Variants in DLG5 observed in about 807,000 individuals in gnomAD.
DLG5 encodes the protein discs large MAGUK scaffold protein 5.
A neutral mutation model predicts 189.8 loss-of-function variants in DLG5; 48 were observed. The observed-to-expected ratio is 0.25, with a 90% CI of 0.20 to 0.32. DLG5 has a LOEUF of 0.32. Ranked by LOEUF, DLG5 falls within the 10% of genes least tolerant of loss-of-function variation. DLG5 has a pLI of 1.00. For missense variants in DLG5, 2,160 were observed against 2,544.7 expected (o/e 0.85, Z 3.25); for synonymous variants, 1,016 against 1,054.1 (o/e 0.96, Z 0.70).
intron 1 of DLG5, among the ~76,000 whole-genome samples, chr10:77,904,418 G>C (rs1175382944): frequency 6.6e-6 from 1 of 152,170 alleles, no homozygotes; most frequent in African/African-American, 2.4e-5. Flanking sequence ...GGCATGATTG[G>C]TTTTGAAATG....
At chr10:77,908,176 T>A (rs1233574090) in intron 1 of DLG5, among the ~76,000 whole-genome samples, 1 of 152,056 alleles carries the variant, frequency 6.6e-6, no homozygotes, top group East Asian at 1.9e-4. Context: ...CAGGAACATG[T>A]CCCACACTCC....
In DLG5 at chr10:77,836,371, G is replaced by A. The variant is rs183157798; in HGVS notation, c.1438-449C>T. On this transcript the variant is annotated intron_variant, in intron 7 of 31. Coordinates refer to ENST00000372391, the MANE Select transcript of DLG5 (RefSeq NM_004747.4). Reference sequence around the variant, plus strand: ...TCCTTAGACAACACAGGGAAATGACGGATGACAAAGCAAGTGTTTACTGCA... The same window carrying A: ...TCCTTAGACAACACAGGGAAATGACAGATGACAAAGCAAGTGTTTACTGCA... Among the ~76,000 whole-genome samples, 68 of 152,154 alleles carry A rather than the reference G, an allele frequency of 4.5e-4. 1 individual carries two copies. The highest frequency in any genetic ancestry group is 7.5e-4 in the Non-Finnish European group (51 of 68,014).
chr10:77,936,255 T>C, the DLG5 span, among the ~76,000 whole-genome samples: 1 of 151,998 alleles, frequency 6.6e-6, no homozygotes, highest in South Asian at 2.1e-4. Context: ...CCAGCCAACA[T>C]AGTGAAATTC....
intron 27 of DLG5, among the ~76,000 whole-genome samples, chr10:77,802,705 GC>G (rs1423667474): frequency 6.6e-6 from 1 of 152,152 alleles, no homozygotes; most frequent in Non-Finnish European, 1.5e-5. Flanking sequence ...TTCAAGACCA[GC>G]CTGGCCAACA....
chr10:77,816,879 T>C, intron 19 of DLG5, 128 bp downstream of exon 19: 1 of 1,374,384 alleles, frequency 7.3e-7, no homozygotes, highest in Admixed American at 1.9e-5. Context: ...GGCCTACTGC[T>C]GGGCTCAGTG....
chr10:77,820,935 A>G, intron 15 of DLG5, 147 bp downstream of exon 15: 1 of 1,082,510 alleles, frequency 9.2e-7, no homozygotes, highest in Non-Finnish European at 1.3e-6. Flanking sequence ...TAGCTGGGCC[A>G]CTTCCCACTT....
chr10:77,917,347 A>T (rs553181824), intron 1 of DLG5, among the ~76,000 whole-genome samples: 3 of 152,026 alleles, frequency 2.0e-5, no homozygotes, highest in African/African-American at 7.2e-5. Context: ...ATCTCAAAAA[A>T]AAACAAACAA....
At position 77,892,591 on chromosome 10, in the gene DLG5, C is replaced by T. The variant is rs189088019; in HGVS notation, c.305-23394G>A. ...TGTGTTCCCAGGGCCCCAGCCTGCTCCCCTTGGACACTGCACCTGTGTACT... is the reference window on the plus strand; with the variant it reads ...TGTGTTCCCAGGGCCCCAGCCTGCTTCCCTTGGACACTGCACCTGTGTACT... On this transcript the variant is annotated intron_variant, in intron 1 of 31. Transcript: ENST00000372391. Among the ~76,000 whole-genome samples, 13 of 152,264 alleles carry T rather than the reference C, an allele frequency of 8.5e-5. No individual in the cohort carries two copies. The East Asian group carries it at 2.5e-3, about 29-fold the overall frequency.
chr10:77,897,128 G>A (rs1415360350), intron 1 of DLG5, among the ~76,000 whole-genome samples: 1 of 150,776 alleles, frequency 6.6e-6, no homozygotes, highest in African/African-American at 2.4e-5. Context: ...GGCTGAGGCG[G>A]GCAGATCACC....
chr10:77,922,163 C>A (rs564717260), intron 1 of DLG5, among the ~76,000 whole-genome samples: 1 of 152,310 alleles, frequency 6.6e-6, no homozygotes, highest in African/African-American at 2.4e-5. Context: ...CCTGTCTACA[C>A]CCCAGCCCCA....
chr10:77,884,525 C>T (rs930898767), intron 1 of DLG5, among the ~76,000 whole-genome samples: 1 of 152,118 alleles, frequency 6.6e-6, no homozygotes, highest in African/African-American at 2.4e-5. Context: ...TGTCCACCTC[C>T]AGAGACATGG....
At chr10:77,842,704 C>G (rs1037750584) in intron 6 of DLG5, among the ~76,000 whole-genome samples, 3 of 152,210 alleles carry the variant, frequency 2.0e-5, no homozygotes, top group African/African-American at 7.2e-5. Context: ...CAGCAATTCT[C>G]AGTGTGCTCC....
chr10:77,815,740 C>G (rs1041433495), intron 20 of DLG5, among the ~76,000 whole-genome samples: 1 of 152,172 alleles, frequency 6.6e-6, no homozygotes, highest in African/African-American at 2.4e-5. Context: ...TTTCTGGACT[C>G]AAATGAAAGA....
rs1033490287 is a variant in DLG5, at chr10:77,926,084, A to G, written c.304+133T>C. 33 of 984,306 alleles carry G rather than the reference A, an allele frequency of 3.4e-5. No homozygotes were observed. The East Asian group carries it at 6.2e-4, about 19-fold the overall frequency. 61.0% of individuals were successfully genotyped at this position (984,306 alleles called of 1,614,324 possible). On this transcript the variant is annotated intron_variant, in intron 1 of 31. Coordinates refer to ENST00000372391, the MANE Select transcript of DLG5 (RefSeq NM_004747.4). This position sits in a 1 kb window ranked among gnomAD's most constrained non-coding sequence, Gnocchi z 5.2. ...GGATCCGCGCACCGCCGCCTCCCCA[A>G]CTGGGCCAGAGGAGCGAGTCCACCG...
At chr10:77,927,325 A>G (rs963667848), upstream of DLG5, 2 of 152,700 alleles carry the variant, frequency 1.3e-5, no homozygotes, top group Non-Finnish European at 2.9e-5. Context: ...ACCCCCTCAT[A>G]CAAATCTTGC....
At chr10:77,806,025 T>C (rs1345631978) in intron 26 of DLG5, 164 bp from the exon 27 acceptor site, 2 of 646,644 alleles carry the variant, frequency 3.1e-6, no homozygotes, top group Non-Finnish European at 5.2e-6. Context: ...CTGGGAACCC[T>C]CGGTACATGC....
chr10:77,934,094 G>A, the DLG5 span, among the ~76,000 whole-genome samples: 351 of 152,038 alleles, frequency 2.3e-3, 1 homozygote, highest in African/African-American at 8.3e-3. Context: ...AAGTAGGCTG[G>A]GCACGGTGGC....
At chr10:77,808,940 C>G (rs906560646) in intron 24 of DLG5, among the ~76,000 whole-genome samples, 1 of 149,872 alleles carries the variant, frequency 6.7e-6, no homozygotes, top group Non-Finnish European at 1.5e-5. Context: ...ACAAAAAATA[C>G]AAAAATAAAT....
intron 13 of DLG5, among the ~76,000 whole-genome samples, chr10:77,827,950 T>C (rs925718198): frequency 2.6e-5 from 4 of 152,150 alleles, no homozygotes; most frequent in African/African-American, 7.2e-5. Flanking sequence ...GGACAATCTC[T>C]AGGAGCAGGA....
Sources: gnomAD v4.1 joint callset for allele counts (sites outside exome capture counted in the v4.1 genomes callset) on GRCh38, gnomAD v4.1.1 for gene constraint, Gnocchi (gnomAD v3.1) non-coding constraint, MANE v1.5 for transcripts, NCBI Gene and HGNC (gene_info 2026-07-23, HGNC 2026-07-21) for gene names.